CNGA1: variants seen among roughly 807,000 people sequenced by gnomAD.
CNGA1 encodes cyclic nucleotide-gated channel alpha-1.
In CNGA1, 53 loss-of-function variants were observed where a neutral mutation model predicts 69.7. The observed-to-expected ratio is 0.76, with a 90% CI of 0.61 to 0.96. CNGA1 has a LOEUF of 0.96. CNGA1 is among the 40% of genes least tolerant of loss of function. CNGA1 has a pLI of 0.00. For synonymous variants in CNGA1, 249 were observed against 283.5 expected (o/e 0.88, Z 1.22); for missense variants, 739 against 811.2 (o/e 0.91, Z 1.08).
chr4:47,961,376 T>C (rs1052914778), intron 3 of CNGA1, among the ~76,000 whole-genome samples: 2 of 152,222 alleles, frequency 1.3e-5, no homozygotes, highest in African/African-American at 4.8e-5. Context: ...GGAACTGTGC[T>C]TTTAAAACCC....
intron 3 of CNGA1, among the ~76,000 whole-genome samples, chr4:47,979,355 GTT>G (rs1560302915): frequency 6.6e-6 from 1 of 151,358 alleles, no homozygotes; most frequent in Non-Finnish European, 1.5e-5. Flanking sequence ...TGGCACAAGG[GTT>G]GTCTGCTCAT....
intron 6 of CNGA1, among the ~76,000 whole-genome samples, chr4:47,948,734 G>C (rs1739571579): frequency 6.6e-6 from 1 of 152,150 alleles, no homozygotes; most frequent in South Asian, 2.1e-4. Flanking sequence ...TGGTCTTTTG[G>C]TATTTTCCAG....
intron 4 of CNGA1, among the ~76,000 whole-genome samples, chr4:47,951,855 A>T (rs756505947): frequency 9.2e-5 from 14 of 152,236 alleles, no homozygotes; most frequent in Non-Finnish European, 1.6e-4. Context: ...AACCACATTC[A>T]TATACATTAT....
chr4:47,943,070 AC>A (rs1739191219), intron 8 of CNGA1, 110 bp downstream of exon 8: 2 of 754,964 alleles, frequency 2.6e-6, no homozygotes, highest in Admixed American at 4.6e-5. Flanking sequence ...TAGTCTTTAC[AC>A]AGGGCTCTTT....
intron 3 of CNGA1, among the ~76,000 whole-genome samples, chr4:47,956,368 G>A (rs1271068004): frequency 3.3e-5 from 5 of 152,168 alleles, no homozygotes; most frequent in Non-Finnish European, 5.9e-5. Flanking sequence ...AGGTGCAGTG[G>A]AAGTGGCTCC....
At position 47,949,834 on chromosome 4, in the gene CNGA1, G is replaced by C. The variant is rs1560624914; in HGVS notation, c.286C>G (p.Gln96Glu). 6.2e-7 allele frequency: 1 copy of C among 1,613,228 alleles called. No individual in the cohort carries two copies. Among genetic ancestry groups the C allele is most frequent in the African/African-American group, 1.3e-5 (1 of 74,842 alleles). ...GTTTTCTATTGTAAATATACTTACTGGTCCTTATTGCTGCTGTTGTTCACA... is the reference window on the plus strand; with the variant it reads ...GTTTTCTATTGTAAATATACTTACTCGTCCTTATTGCTGCTGTTGTTCACA... ...FNVNNSSNKD[Q>E]EPEEKKKKKK... The change falls in exon 6 of 11, where the codon CAG (glutamine) becomes GAG (glutamate). Residue 96 changes from glutamine (Q) to glutamate (E), a missense_variant and splice_region_variant. Coordinates refer to ENST00000514170, the MANE Select transcript of CNGA1 (RefSeq NM_001379270.1).
chr4:47,983,565 G>A (rs1741842615), intron 2 of CNGA1, among the ~76,000 whole-genome samples: 1 of 152,010 alleles, frequency 6.6e-6, no homozygotes, highest in Admixed American at 6.6e-5. Context: ...ACTCCAGCCT[G>A]GGCGACAGAG....
intron 2 of CNGA1, among the ~76,000 whole-genome samples, chr4:47,999,344 T>C (rs1714556501): frequency 6.6e-6 from 1 of 152,220 alleles, no homozygotes; most frequent in Non-Finnish European, 1.5e-5. Context: ...TATGATACTT[T>C]CAATCTGCCA....
At chr4:47,938,302 G>A (rs1560618331) in intron 10 of CNGA1, among the ~76,000 whole-genome samples, 1 of 108,014 alleles carries the variant, frequency 9.3e-6, no homozygotes, top group Non-Finnish European at 1.9e-5. Context: ...TAGCATTCTT[G>A]TGATATTGTG....
intron 1 of CNGA1, among the ~76,000 whole-genome samples, chr4:48,011,724 T>C (rs1715174157): frequency 6.6e-6 from 1 of 152,078 alleles, no homozygotes; most frequent in South Asian, 2.1e-4. Context: ...TCCAGAAAGG[T>C]GGGACAATTT....
chr4:47,993,416 G>C (rs1742359833), intron 2 of CNGA1, among the ~76,000 whole-genome samples: 1 of 152,006 alleles, frequency 6.6e-6, no homozygotes, highest in Admixed American at 6.5e-5. Flanking sequence ...TAAGCTAGCA[G>C]GGTTCTGTCT....
At position 47,943,172 on chromosome 4, in the gene CNGA1, A is replaced by C; in HGVS notation, c.437+9T>G. ...TTCCTTCTATTTCAATGCCACTAAAAGTGCTTACTCTTCTTTCTTATCTTT... is the reference window on the plus strand; with the variant it reads ...TTCCTTCTATTTCAATGCCACTAAACGTGCTTACTCTTCTTTCTTATCTTT... On this transcript the variant is annotated intron_variant, in intron 8 of 10. Coordinates refer to ENST00000514170, the MANE Select transcript of CNGA1 (RefSeq NM_001379270.1). 1 of 1,574,472 alleles carries C rather than the reference A, an allele frequency of 6.4e-7. No individual in the cohort carries two copies. Among genetic ancestry groups the C allele is most frequent in the Non-Finnish European group, 8.7e-7 (1 of 1,146,932 alleles).
At chr4:48,015,497 C>T (rs1253623638) in intron 1 of CNGA1, among the ~76,000 whole-genome samples, 1 of 152,170 alleles carries the variant, frequency 6.6e-6, no homozygotes, top group Non-Finnish European at 1.5e-5. Context: ...ACAAAGGCTA[C>T]CTGAGTACAT....
chr4:48,014,156 G>A (rs1401475675), intron 1 of CNGA1, among the ~76,000 whole-genome samples: 1 of 152,138 alleles, frequency 6.6e-6, no homozygotes, highest in Admixed American at 6.5e-5. Flanking sequence ...ATCAAAGAAT[G>A]GGCTAGTTGG....
At chr4:47,984,646 AAATAT>A (rs1560305660) in intron 2 of CNGA1, among the ~76,000 whole-genome samples, 24 of 59,368 alleles carry the variant, frequency 4.0e-4, no homozygotes, top group Non-Finnish European at 8.2e-4. Context: ...CAAATAAAAA[AAATAT>A]ATATATATAT....
chr4:47,979,577 A>G (rs1741593480), intron 3 of CNGA1, among the ~76,000 whole-genome samples: 2 of 152,178 alleles, frequency 1.3e-5, no homozygotes, highest in Non-Finnish European at 2.9e-5. Flanking sequence ...GTTTCTGCCT[A>G]GGAAAATGCC....
intron 3 of CNGA1, among the ~76,000 whole-genome samples, chr4:47,956,408 A>G (rs1373079097): frequency 6.6e-6 from 1 of 152,206 alleles, no homozygotes; most frequent in Non-Finnish European, 1.5e-5. Flanking sequence ...TTGAATAAAC[A>G]GTTCCAGTGG....
intron 3 of CNGA1, among the ~76,000 whole-genome samples, chr4:47,971,557 A>G (rs1741037865): frequency 6.6e-6 from 1 of 152,058 alleles, no homozygotes; most frequent in South Asian, 2.1e-4. Flanking sequence ...CAGTCCTTTT[A>G]TGGCATGTGA....
At chr4:47,977,346 CA>C (rs1741468876) in intron 3 of CNGA1, among the ~76,000 whole-genome samples, 1 of 152,182 alleles carries the variant, frequency 6.6e-6, no homozygotes, top group Non-Finnish European at 1.5e-5. Context: ...TGACCATCTG[CA>C]AGCTAAGGAG....
Sources: allele counts gnomAD v4.1 joint callset (sites outside exome capture counted in the v4.1 genomes callset), GRCh38; gene constraint gnomAD v4.1.1; transcripts MANE v1.5; gene names NCBI Gene and HGNC (gene_info 2026-07-23, HGNC 2026-07-21).